The following DMD variants were observed in gnomAD, a reference collection of about 807,000 sequenced individuals.
The protein encoded by DMD is mutant dystrophin.
A neutral mutation model predicts 330.1 loss-of-function variants in DMD; 63 were observed. The observed-to-expected ratio is 0.19, with a 90% CI of 0.16 to 0.24. The LOEUF is 0.24. DMD is among the 10% of genes least tolerant of loss of function. The pLI is 1.00. For synonymous variants in DMD, 1,223 were observed against 959.8 expected (o/e 1.27, Z -5.07); for missense variants, 3,344 against 2,684.1 (o/e 1.25, Z -5.43).
At chrX:32,170,509 A>G (rs1265222926) in intron 44 of DMD, among the ~76,000 whole-genome samples, 1 of 108,022 alleles carries the variant, frequency 9.3e-6, no homozygotes, top group East Asian at 2.9e-4. Flanking sequence ...TTATTACTAT[A>G]AGAATAAATG....
intron 69 of DMD, among the ~76,000 whole-genome samples, chrX:31,179,380 T>C (rs142529877): frequency 0.023 from 2,561 of 112,461 alleles, 68 homozygotes; most frequent in African/African-American, 0.078. Flanking sequence ...CAGCTGCAGA[T>C]CTCGCTAAAA....
intron 30 of DMD, among the ~76,000 whole-genome samples, chrX:32,399,670 T>C (rs188900063): frequency 2.0e-4 from 22 of 111,319 alleles, no homozygotes; most frequent in Non-Finnish European, 3.8e-5. Flanking sequence ...AAAACAAGTT[T>C]TGAGATTCCT....
At chrX:32,683,411 A>G (rs963731939) in intron 9 of DMD, among the ~76,000 whole-genome samples, 1 of 109,884 alleles carries the variant, frequency 9.1e-6, no homozygotes, top group Non-Finnish European at 1.9e-5. Flanking sequence ...CAACAATGAT[A>G]GACTGGATTA....
At chrX:32,162,455 A>C (rs1377943563) in intron 44 of DMD, among the ~76,000 whole-genome samples, 3 of 111,274 alleles carry the variant, frequency 2.7e-5, no homozygotes, top group Admixed American at 1.9e-4. Context: ...AAAGACTCTC[A>C]GAGATTTTCA....
chrX:32,021,029 T>C (rs998498107), intron 44 of DMD, among the ~76,000 whole-genome samples: 1 of 112,439 alleles, frequency 8.9e-6, no homozygotes, highest in Non-Finnish European at 1.9e-5. Context: ...TCTATTTATG[T>C]GTGCATACCC....
intron 2 of DMD, among the ~76,000 whole-genome samples, chrX:32,954,908 T>C (rs1464530198): frequency 1.8e-5 from 2 of 112,274 alleles, no homozygotes; most frequent in Non-Finnish European, 3.8e-5. Flanking sequence ...TACCATGGTG[T>C]ATATGTACCA....
chrX:31,368,083 C>T (rs1188622044), intron 60 of DMD, among the ~76,000 whole-genome samples: 2 of 111,294 alleles, frequency 1.8e-5, no homozygotes, highest in Admixed American at 1.9e-4. Flanking sequence ...AGCCAGCATC[C>T]CTTCTCAAAA....
At chrX:31,670,949 T>C (rs5927029) in intron 53 of DMD, among the ~76,000 whole-genome samples, 6,281 of 109,377 alleles carry the variant, frequency 0.057, 197 homozygotes, top group Middle Eastern at 0.15. Context: ...GTCTCGCTCT[T>C]TCGCCCAGGC....
At chrX:31,522,363 C>CTCTCTATATATATATATATA in intron 55 of DMD, among the ~76,000 whole-genome samples, 59 of 35,946 alleles carry the variant, frequency 1.6e-3, no homozygotes, top group East Asian at 1.9e-3. Context: ...CTCTCTCTCT[C>CTCTCTATATATATATATATA]TATATATATA....
At chrX:31,936,462 G>A (rs1569517633) in intron 45 of DMD, among the ~76,000 whole-genome samples, 2 of 111,526 alleles carry the variant, frequency 1.8e-5, no homozygotes, top group Middle Eastern at 4.6e-3. Context: ...CTACTAATAG[G>A]AAAGTTGAAA....
intron 52 of DMD, among the ~76,000 whole-genome samples, chrX:31,718,242 T>C (rs1322960399): frequency 1.8e-5 from 2 of 111,874 alleles, no homozygotes; most frequent in African/African-American, 6.5e-5. Flanking sequence ...AGCAACACTG[T>C]CAGGAAAGAC....
intron 2 of DMD, among the ~76,000 whole-genome samples, chrX:32,938,955 G>GA (rs1421971548): frequency 9.1e-6 from 1 of 109,866 alleles, no homozygotes; most frequent in Non-Finnish European, 1.9e-5. Context: ...AACTTTAAGA[G>GA]AAAAAAAATA....
intron 2 of DMD, among the ~76,000 whole-genome samples, chrX:32,852,963 G>C (rs1392253033): frequency 8.9e-6 from 1 of 111,829 alleles, no homozygotes; most frequent in Non-Finnish European, 1.9e-5. Context: ...ATAAAGACAG[G>C]ATCCTAAAAG....
At chrX:31,552,968 C>T (rs186799417) in intron 55 of DMD, among the ~76,000 whole-genome samples, 61 of 111,668 alleles carry the variant, frequency 5.5e-4, no homozygotes, top group African/African-American at 2.0e-3. Flanking sequence ...AGCAAGCTAC[C>T]GCACAGAAGT....
At chrX:31,176,121 A>G (rs1378550563) in intron 71 of DMD, among the ~76,000 whole-genome samples, 3 of 111,492 alleles carry the variant, frequency 2.7e-5, no homozygotes, top group Non-Finnish European at 1.9e-5. Context: ...TTTGTAATAT[A>G]TTTTATACAG....
chrX:31,970,097 C>A (rs908419609), intron 44 of DMD, among the ~76,000 whole-genome samples: 3 of 111,710 alleles, frequency 2.7e-5, no homozygotes, highest in Non-Finnish European at 5.7e-5. Flanking sequence ...TCTTTGAGGT[C>A]AGATATTGTG....
intron 55 of DMD, among the ~76,000 whole-genome samples, chrX:31,522,710 G>C (rs1352619056): frequency 1.8e-5 from 2 of 110,336 alleles, no homozygotes; most frequent in African/African-American, 6.6e-5. Flanking sequence ...GGGTGATAAT[G>C]CTACCTATTA....
intron 43 of DMD, among the ~76,000 whole-genome samples, chrX:32,226,646 T>G (rs2097148662): frequency 9.0e-6 from 1 of 111,317 alleles, no homozygotes; most frequent in African/African-American, 3.3e-5. Flanking sequence ...TATCTTCCAT[T>G]TAAGAGCCAT....
At chrX:31,861,020 G>A (rs1174928299) in intron 48 of DMD, among the ~76,000 whole-genome samples, 1 of 111,844 alleles carries the variant, frequency 8.9e-6, no homozygotes, top group Non-Finnish European at 1.9e-5. Context: ...TCTGTCTGTT[G>A]TAGAAAACAT....
Sources: allele counts gnomAD v4.1 joint callset (sites outside exome capture counted in the v4.1 genomes callset), GRCh38; gene constraint gnomAD v4.1.1; transcripts MANE v1.5; gene names NCBI Gene and HGNC (gene_info 2026-07-23, HGNC 2026-07-21).